NPAS3: variants seen among roughly 807,000 people sequenced by gnomAD.
NPAS3 encodes neuronal PAS domain protein 3.
A neutral mutation model predicts 73.1 loss-of-function variants in NPAS3; 14 were observed. The observed-to-expected ratio is 0.19, with a 90% CI of 0.13 to 0.30. The LOEUF (loss-of-function observed/expected upper bound fraction) is 0.30, where lower values mean the gene tolerates loss of function less well. Ranked by LOEUF, NPAS3 falls within the 10% of genes least tolerant of loss-of-function variation. NPAS3 has a pLI of 1.00. For missense variants in NPAS3, 1,096 were observed against 1,250.0 expected (o/e 0.88, Z 1.86); for synonymous variants, 620 against 541.5 (o/e 1.14, Z -2.01).
At chr14:33,171,163 C>T (rs773714610) in intron 2 of NPAS3, among the ~76,000 whole-genome samples, 1 of 152,184 alleles carries the variant, frequency 6.6e-6, no homozygotes, top group Non-Finnish European at 1.5e-5. Flanking sequence ...TCTTGGGTGA[C>T]CGAGTGCATT....
At chr14:33,147,528 G>A (rs1252656612) in intron 2 of NPAS3, among the ~76,000 whole-genome samples, 2 of 150,808 alleles carry the variant, frequency 1.3e-5, no homozygotes, top group African/African-American at 4.9e-5. Flanking sequence ...AAGAAGTTTG[G>A]ATTAGTGCCG....
At chr14:33,565,940 A>AC (rs148643754) in intron 5 of NPAS3, among the ~76,000 whole-genome samples, 5 of 151,394 alleles carry the variant, frequency 3.3e-5, no homozygotes, top group African/African-American at 7.3e-5. Flanking sequence ...GCTTGTGACC[A>AC]CCCCCCTGCC....
intron 6 of NPAS3, among the ~76,000 whole-genome samples, chr14:33,716,883 C>T (rs1218439879): frequency 6.6e-6 from 1 of 152,008 alleles, no homozygotes; most frequent in Non-Finnish European, 1.5e-5. Context: ...GTAGCATTTC[C>T]TTTACATCTC....
chr14:33,430,361 T>C (rs149178920), intron 4 of NPAS3, among the ~76,000 whole-genome samples: 1 of 152,260 alleles, frequency 6.6e-6, no homozygotes, highest in East Asian at 1.9e-4. Context: ...TGGTAGGTTA[T>C]AGTTGTCTTT....
intron 1 of NPAS3, among the ~76,000 whole-genome samples, chr14:33,005,400 T>A (rs951384254): frequency 1.3e-5 from 2 of 152,212 alleles, no homozygotes; most frequent in African/African-American, 4.8e-5. Flanking sequence ...CTGTGATCAC[T>A]TAGTGAATCT....
intron 3 of NPAS3, among the ~76,000 whole-genome samples, chr14:33,355,222 G>A (rs1287929937): frequency 6.6e-6 from 1 of 152,286 alleles, no homozygotes; most frequent in African/African-American, 2.4e-5. Context: ...CTCATATCTA[G>A]CCCAGATGCT....
chr14:33,478,379 T>A (rs2051147983), intron 4 of NPAS3, among the ~76,000 whole-genome samples: 1 of 152,188 alleles, frequency 6.6e-6, no homozygotes, highest in African/African-American at 2.4e-5. Flanking sequence ...AATATCATGA[T>A]AATATAAAAT....
Position 33,390,042 on chromosome 14 carries a change from T to TA in NPAS3, c.468+22782dup, listed in dbSNP as rs5807724. Among the ~76,000 whole-genome samples the TA allele has an allele frequency of 1.6e-3, 247 of 151,776 alleles. 1 individual carries two copies. Among genetic ancestry groups the TA allele is most frequent in the Middle Eastern group, 6.8e-3 (2 of 294 alleles). The stretch of plus-strand genomic sequence containing the variant: ...AGATGTCATCTAGAATGATTTGTGT[T>TA]AAAAAAAAGAGAAATACAGAAGTAT... On this transcript the variant is annotated intron_variant, in intron 4 of 11. Coordinates refer to ENST00000356141, the Ensembl canonical transcript of NPAS3.
chr14:33,198,325 A>G lies in NPAS3; in HGVS notation c.141-16857A>G, dbSNP rs143279973. 5.0e-3 allele frequency among the ~76,000 whole-genome samples: 764 copies of G among 151,446 alleles called. 7 individuals are homozygous for G. Among genetic ancestry groups the G allele is most frequent in the African/African-American group, 0.016 (656 of 40,780 alleles). ...ATCTGGCCCCACCCACATCCTGCTG[A>G]TTGGTCCATTTTACAGAGCGCTGAT... On this transcript the variant is annotated intron_variant, in intron 2 of 11. Transcript: ENST00000356141.
intron 2 of NPAS3, among the ~76,000 whole-genome samples, chr14:33,163,423 G>A (rs758752165): frequency 1.3e-5 from 2 of 152,118 alleles, no homozygotes; most frequent in African/African-American, 4.8e-5. Flanking sequence ...GCACACAGTC[G>A]CAAATTGAGT....
chr14:33,722,398 T>C (rs767218802), intron 6 of NPAS3, among the ~76,000 whole-genome samples: 1 of 152,188 alleles, frequency 6.6e-6, no homozygotes, highest in African/African-American at 2.4e-5. Context: ...CTGCAAGCTA[T>C]ATAAATGGAT....
At chr14:33,225,481 G>A (rs942066109) in intron 3 of NPAS3, among the ~76,000 whole-genome samples, 7 of 152,142 alleles carry the variant, frequency 4.6e-5, no homozygotes, top group Non-Finnish European at 7.4e-5. Flanking sequence ...TTCTGTAAAG[G>A]ATCAGATAGT....
intron 4 of NPAS3, among the ~76,000 whole-genome samples, chr14:33,537,468 T>C (rs2054307527): frequency 6.6e-6 from 1 of 152,188 alleles, no homozygotes; most frequent in African/African-American, 2.4e-5. Context: ...GGCCAGTTGT[T>C]TGAAAATATG....
intron 2 of NPAS3, among the ~76,000 whole-genome samples, chr14:33,188,621 T>A (rs1315051765): frequency 2.0e-5 from 3 of 152,222 alleles, no homozygotes; most frequent in Non-Finnish European, 2.9e-5. Context: ...AGACAGTCAG[T>A]ACATGTCAGA....
At chr14:33,257,395 G>A (rs183161470) in intron 3 of NPAS3, among the ~76,000 whole-genome samples, 9 of 152,072 alleles carry the variant, frequency 5.9e-5, no homozygotes, top group East Asian at 1.9e-4. Context: ...GGTAATTTCC[G>A]TTCCCTTTCT....
intron 2 of NPAS3, among the ~76,000 whole-genome samples, chr14:33,158,639 C>T (rs1203099752): frequency 6.6e-6 from 1 of 152,020 alleles, no homozygotes; most frequent in East Asian, 1.9e-4. Flanking sequence ...GATAAGACAG[C>T]AGAGGTTAAA....
intron 3 of NPAS3, among the ~76,000 whole-genome samples, chr14:33,217,077 G>T (rs1303333708): frequency 6.6e-6 from 1 of 152,150 alleles, no homozygotes; most frequent in East Asian, 1.9e-4. Context: ...ATGGTAGAAG[G>T]CGAGGGGGAG....
intron 1 of NPAS3, among the ~76,000 whole-genome samples, chr14:33,015,760 A>G (rs1252427722): frequency 6.6e-6 from 1 of 152,166 alleles, no homozygotes; most frequent in Non-Finnish European, 1.5e-5. Flanking sequence ...ATACACTAAA[A>G]TGCTAAAGAA....
rs567478934 is a variant in NPAS3 at position 33,641,470 on chromosome 14, A to G, written c.559-34741A>G. 3.3e-5 allele frequency among the ~76,000 whole-genome samples: 5 copies of G among 152,302 alleles called. No individual in the cohort carries two copies. In the South Asian group the frequency reaches 1.0e-3, roughly 32 times the overall value. On this transcript the variant is annotated intron_variant, in intron 5 of 11. Coordinates refer to ENST00000356141, the Ensembl canonical transcript of NPAS3. ...AACAAACTTCAAAATTTAACTCTTAAGTTTGTCATGTAACACCACTGGTCC... is the reference window on the plus strand; with the variant it reads ...AACAAACTTCAAAATTTAACTCTTAGGTTTGTCATGTAACACCACTGGTCC...
Sources: allele counts gnomAD v4.1 joint callset (sites outside exome capture counted in the v4.1 genomes callset), GRCh38; gene constraint gnomAD v4.1.1; transcripts MANE v1.5; gene names NCBI Gene and HGNC (gene_info 2026-07-23, HGNC 2026-07-21).